Variants in CTNNA3 observed in about 807,000 individuals in gnomAD.
The protein encoded by CTNNA3 is catenin alpha 3, also known as catenin alpha-3.
Under a neutral mutation model 95.7 loss-of-function variants are expected in CTNNA3, and 76 were observed. The observed-to-expected ratio is 0.79, with a 90% confidence interval of 0.66 to 0.96. CTNNA3 has a LOEUF of 0.96. Ranked by LOEUF, CTNNA3 falls within the 40% of genes least tolerant of loss-of-function variation. The pLI is 0.00. For synonymous variants in CTNNA3, 431 were observed against 374.4 expected (o/e 1.15, Z -1.74); for missense variants, 1,191 against 1,089.8 (o/e 1.09, Z -1.31).
At chr10:65,954,865 G>A (rs1432159360) in intron 17 of CTNNA3, among the ~76,000 whole-genome samples, 2 of 152,152 alleles carry the variant, frequency 1.3e-5, no homozygotes, top group Non-Finnish European at 2.9e-5. Context: ...TCATGGCAAT[G>A]TGGGCTCTTT....
intron 11 of CTNNA3, among the ~76,000 whole-genome samples, chr10:66,503,561 C>T (rs372074654): frequency 1.3e-4 from 19 of 151,934 alleles, no homozygotes; most frequent in Non-Finnish European, 2.6e-4. Flanking sequence ...CTCTGCCTCC[C>T]GGGTTCAAGC....
At chr10:66,721,548 C>T (rs1848628345) in intron 9 of CTNNA3, among the ~76,000 whole-genome samples, 1 of 152,132 alleles carries the variant, frequency 6.6e-6, no homozygotes, top group Non-Finnish European at 1.5e-5. Flanking sequence ...TCACTGAAGG[C>T]TCAGCTGAGA....
chr10:67,579,785 T>G (rs1422217720), intron 3 of CTNNA3, among the ~76,000 whole-genome samples: 2 of 152,224 alleles, frequency 1.3e-5, no homozygotes, highest in Non-Finnish European at 2.9e-5. Context: ...GGTTTTGATT[T>G]GCATTTCTCT....
intron 11 of CTNNA3, among the ~76,000 whole-genome samples, chr10:66,514,045 C>T (rs12218999): frequency 0.072 from 10,988 of 152,198 alleles, 705 homozygotes; most frequent in East Asian, 0.31. Context: ...CTTGTTAGTG[C>T]ATTTTTGATG....
At chr10:67,631,272 ACCCAAGAGAAAAAAATCTCTGTG>A (rs905903961) in intron 2 of CTNNA3, among the ~76,000 whole-genome samples, 3 of 152,054 alleles carry the variant, frequency 2.0e-5, no homozygotes, top group African/African-American at 7.3e-5. Flanking sequence ...CTGCAAAATG[ACCCAAGAGAAAAAAATCTCTGTG>A]CCCAAGAGAA....
intron 5 of CTNNA3, among the ~76,000 whole-genome samples, chr10:67,232,274 A>G (rs1589059496): frequency 1.3e-5 from 2 of 152,296 alleles, no homozygotes; most frequent in Non-Finnish European, 2.9e-5. Flanking sequence ...AGCTTGGGTT[A>G]CCCTCAAAGG....
chr10:67,158,051 A>ACTG (rs1301664768), intron 7 of CTNNA3, among the ~76,000 whole-genome samples: 1 of 152,002 alleles, frequency 6.6e-6, no homozygotes, highest in Non-Finnish European at 1.5e-5. Context: ...TTCCACCGGG[A>ACTG]CTGGACTGCC....
chr10:66,136,832 T>A (rs2083382375), intron 13 of CTNNA3, among the ~76,000 whole-genome samples: 1 of 152,150 alleles, frequency 6.6e-6, no homozygotes, highest in African/African-American at 2.4e-5. Flanking sequence ...TCACATAATT[T>A]TTTTTTTTTG....
At chr10:66,207,047 G>T (rs1416953038) in intron 13 of CTNNA3, among the ~76,000 whole-genome samples, 1 of 151,738 alleles carries the variant, frequency 6.6e-6, no homozygotes, top group Non-Finnish European at 1.5e-5. Context: ...TCTCAGAACT[G>T]GGTATGATTC....
At position 67,537,138 on chromosome 10, in the gene CTNNA3, G is replaced by A. The variant is rs191980915; in HGVS notation, c.459+2365C>T. 2.2e-3 allele frequency among the ~76,000 whole-genome samples: 340 copies of A among 152,258 alleles called. 2 individuals carry two copies. Among genetic ancestry groups the A allele is most frequent in the African/African-American group, 7.7e-3 (321 of 41,574 alleles). ...AATTCAGGCTCTAACAAGGCACCAAGTGTGAGAGAGGATGGTTAGAATTTA... is the reference window on the plus strand; with the variant it reads ...AATTCAGGCTCTAACAAGGCACCAAATGTGAGAGAGGATGGTTAGAATTTA... On this transcript the variant is annotated intron_variant, in intron 4 of 17. Transcript: ENST00000433211.
At chr10:67,319,840 G>A (rs1841231575) in intron 5 of CTNNA3, among the ~76,000 whole-genome samples, 1 of 146,166 alleles carries the variant, frequency 6.8e-6, no homozygotes, top group Non-Finnish European at 1.5e-5. Flanking sequence ...AGGTTCCAGT[G>A]AGCTGAGACT....
chr10:67,558,853 A>G (rs928923683), intron 3 of CTNNA3, among the ~76,000 whole-genome samples: 4 of 152,206 alleles, frequency 2.6e-5, no homozygotes, highest in South Asian at 4.1e-4. Context: ...CATGGCTCGG[A>G]GGGTCCTACG....
chr10:67,008,451 A>G (rs1309273196), intron 7 of CTNNA3, among the ~76,000 whole-genome samples: 1 of 152,122 alleles, frequency 6.6e-6, no homozygotes, highest in Non-Finnish European at 1.5e-5. Flanking sequence ...GAAATTCACT[A>G]CAGCTTTTTT....
chr10:66,219,189 G>T (rs1175412307), intron 13 of CTNNA3, among the ~76,000 whole-genome samples: 3 of 152,118 alleles, frequency 2.0e-5, no homozygotes, highest in Non-Finnish European at 4.4e-5. Flanking sequence ...ATTATGAGCT[G>T]ATGCTGTAAT....
At chr10:66,387,487 A>C (rs1279264225) in intron 11 of CTNNA3, among the ~76,000 whole-genome samples, 1 of 152,198 alleles carries the variant, frequency 6.6e-6, no homozygotes, top group Non-Finnish European at 1.5e-5. Context: ...ACACTTTTAC[A>C]CTGTTGGTGG....
At chr10:66,592,874 A>C (rs1354320712) in intron 10 of CTNNA3, among the ~76,000 whole-genome samples, 1 of 152,160 alleles carries the variant, frequency 6.6e-6, no homozygotes, top group African/African-American at 2.4e-5. Context: ...TGGAGGTAGG[A>C]GGTAAGCTAC....
intron 14 of CTNNA3, among the ~76,000 whole-genome samples, chr10:66,102,125 A>T (rs930501825): frequency 1.3e-5 from 2 of 152,170 alleles, no homozygotes; most frequent in African/African-American, 2.4e-5. Flanking sequence ...GTGCTTCAAC[A>T]TCAGATACAA....
chr10:66,327,683 ATAATATGATTAT>A (rs2092272113), intron 12 of CTNNA3, among the ~76,000 whole-genome samples: 1 of 152,002 alleles, frequency 6.6e-6, no homozygotes, highest in African/African-American at 2.4e-5. Flanking sequence ...TTAGGACCCT[ATAATATGATTAT>A]TAAAATTTTT....
intron 17 of CTNNA3, among the ~76,000 whole-genome samples, chr10:65,954,338 C>A (rs1589168327): frequency 6.6e-6 from 1 of 152,226 alleles, no homozygotes; most frequent in South Asian, 2.1e-4. Context: ...CTGTAGGTTG[C>A]CTGCTCACTC....
Sources: allele counts gnomAD v4.1 joint callset (sites outside exome capture counted in the v4.1 genomes callset), GRCh38; gene constraint gnomAD v4.1.1; transcripts MANE v1.5; gene names NCBI Gene and HGNC (gene_info 2026-07-23, HGNC 2026-07-21).